The following CPED1 variants were observed in gnomAD, a reference collection of about 807,000 sequenced individuals.
CPED1 encodes the protein cadherin-like and PC-esterase domain-containing protein 1.
Under a neutral mutation model 128.2 loss-of-function variants are expected in CPED1, and 114 were observed. The observed-to-expected ratio is 0.89, with a 90% CI of 0.76 to 1.04. The LOEUF (loss-of-function observed/expected upper bound fraction) is 1.04. CPED1 is among the 50% of genes least tolerant of loss of function. The probability of loss-of-function intolerance (pLI) is 0.00; values close to 1 mark genes in which losing one functional copy is unlikely to be tolerated. For missense variants in CPED1, 1,211 were observed against 1,207.1 expected (o/e 1.00, Z -0.05); for synonymous variants, 462 against 426.7 (o/e 1.08, Z -1.02).
At chr7:121,264,852 A>T in intron 18 of CPED1, among the ~76,000 whole-genome samples, 1 of 152,094 alleles carries the variant, frequency 6.6e-6, no homozygotes, top group East Asian at 1.9e-4. Context: ...ATTTATTTTA[A>T]AAGTGCATGC....
At chr7:121,109,267 A>G (rs1264745850) in intron 7 of CPED1, among the ~76,000 whole-genome samples, 1 of 152,148 alleles carries the variant, frequency 6.6e-6, no homozygotes, top group Non-Finnish European at 1.5e-5. Context: ...TGCTTTTGTT[A>G]GATCTCTATG....
At chr7:121,154,616 G>A (rs760220286) in intron 16 of CPED1, among the ~76,000 whole-genome samples, 5 of 151,668 alleles carry the variant, frequency 3.3e-5, no homozygotes, top group African/African-American at 1.2e-4. Context: ...CACAATCTTG[G>A]CTCACTACAA....
At chr7:121,286,768 C>G (rs947985361) in intron 22 of CPED1, among the ~76,000 whole-genome samples, 2 of 152,088 alleles carry the variant, frequency 1.3e-5, no homozygotes, top group Admixed American at 1.3e-4. Flanking sequence ...TGAAGTGGCA[C>G]TAGATGTTCA....
intron 11 of CPED1, among the ~76,000 whole-genome samples, chr7:121,129,751 G>A (rs1334225946): frequency 2.0e-5 from 3 of 151,854 alleles, no homozygotes; most frequent in South Asian, 4.2e-4. Context: ...GGGGAAAGAG[G>A]GGAAGATTAA....
intron 3 of CPED1, among the ~76,000 whole-genome samples, chr7:121,038,907 T>C (rs73431868): frequency 0.013 from 1,904 of 152,214 alleles, 14 homozygotes; most frequent in Middle Eastern, 0.024. Context: ...TATCATGTCA[T>C]GTCAAGAGTT....
At chr7:121,116,242 A>G (rs1795232260) in intron 7 of CPED1, among the ~76,000 whole-genome samples, 2 of 152,206 alleles carry the variant, frequency 1.3e-5, no homozygotes, top group African/African-American at 4.8e-5. Flanking sequence ...AAAATTATAG[A>G]TGTCACTGGA....
At chr7:121,131,346 T>C (rs1358445460) in intron 12 of CPED1, among the ~76,000 whole-genome samples, 1 of 152,066 alleles carries the variant, frequency 6.6e-6, no homozygotes, top group African/African-American at 2.4e-5. Context: ...GAAGGTTTTG[T>C]TTATGTGTTT....
chr7:121,220,046 GT>G (rs1194704973), intron 16 of CPED1, among the ~76,000 whole-genome samples: 2 of 151,984 alleles, frequency 1.3e-5, no homozygotes, highest in Admixed American at 1.3e-4. Context: ...CAGTAAAGAT[GT>G]TTAATTTTGT....
At chr7:121,182,735 C>T (rs1235533953) in intron 16 of CPED1, among the ~76,000 whole-genome samples, 1 of 151,992 alleles carries the variant, frequency 6.6e-6, no homozygotes, top group Non-Finnish European at 1.5e-5. Flanking sequence ...TAGTCCTCCG[C>T]TTGCTATTGG....
chr7:121,271,111 C>T (rs547445499), intron 21 of CPED1, among the ~76,000 whole-genome samples, 173 bp from the exon 22 acceptor site: 110 of 151,894 alleles, frequency 7.2e-4, no homozygotes, highest in African/African-American at 2.6e-3. Context: ...ATGTATGTTT[C>T]GAGTAAAAAA....
At chr7:121,274,917 C>CTGA (rs571717252) in intron 22 of CPED1, among the ~76,000 whole-genome samples, 1 of 152,070 alleles carries the variant, frequency 6.6e-6, no homozygotes, top group Non-Finnish European at 1.5e-5. Context: ...AAAAATTCTG[C>CTGA]TGATAACCTT....
At chr7:121,020,562 C>T (rs1792413903) in intron 3 of CPED1, among the ~76,000 whole-genome samples, 1 of 151,906 alleles carries the variant, frequency 6.6e-6, no homozygotes, top group East Asian at 1.9e-4. Flanking sequence ...TGATTCAACT[C>T]TAGGACTGAG....
Position 121,070,035 on chromosome 7 carries a change from G to A in CPED1, c.616+5722G>A, listed in dbSNP as rs557188007. 2.0e-5 allele frequency among the ~76,000 whole-genome samples: 3 copies of A among 151,880 alleles called. No individual in the cohort carries two copies. The South Asian group carries it at 6.2e-4, about 32-fold the overall frequency. ...GCATTTTGAACATTTTAGGATTTGT[G>A]TCCTCATTTTAAAAGTAACATGTGA... On this transcript the variant is annotated intron_variant, in intron 5 of 22. Coordinates refer to ENST00000310396, the MANE Select transcript of CPED1 (RefSeq NM_024913.5).
At chr7:121,173,533 C>T (rs1204149419) in intron 16 of CPED1, among the ~76,000 whole-genome samples, 2 of 151,932 alleles carry the variant, frequency 1.3e-5, no homozygotes, top group African/African-American at 4.8e-5. Context: ...GCATTGGGAA[C>T]AGCTCCATGC....
intron 7 of CPED1, among the ~76,000 whole-genome samples, chr7:121,119,370 T>C (rs2968338): frequency 0.34 from 51,669 of 150,204 alleles, 9,199 homozygotes; most frequent in Middle Eastern, 0.5. Flanking sequence ...TTTCACCATG[T>C]TGGTCAGGCT....
At chr7:121,149,278 G>C (rs1287052682) in intron 16 of CPED1, among the ~76,000 whole-genome samples, 2 of 133,038 alleles carry the variant, frequency 1.5e-5, no homozygotes, top group African/African-American at 5.3e-5. Flanking sequence ...GGAAGCATTT[G>C]CACACATCCA....
At chr7:121,073,638 G>T (rs374690900) in intron 5 of CPED1, among the ~76,000 whole-genome samples, 1 of 152,088 alleles carries the variant, frequency 6.6e-6, no homozygotes, top group African/African-American at 2.4e-5. Context: ...CTTGTTTTCT[G>T]GCACTGCTTC....
intron 18 of CPED1, among the ~76,000 whole-genome samples, chr7:121,257,979 T>C (rs1293445832): frequency 6.6e-6 from 1 of 152,050 alleles, no homozygotes; most frequent in African/African-American, 2.4e-5. Flanking sequence ...TACAGAAATT[T>C]CTTCCACATA....
chr7:121,262,169 C>G (rs961437944), intron 18 of CPED1, among the ~76,000 whole-genome samples: 2 of 152,042 alleles, frequency 1.3e-5, no homozygotes, highest in African/African-American at 4.8e-5. Context: ...CGTGCCTCCT[C>G]CCTCTTCACC....
Sources: gnomAD v4.1 joint callset for allele counts (sites outside exome capture counted in the v4.1 genomes callset) on GRCh38, gnomAD v4.1.1 for gene constraint, MANE v1.5 for transcripts, NCBI Gene and HGNC (gene_info 2026-07-23, HGNC 2026-07-21) for gene names.